Variants in PCDHGA5 observed in about 807,000 individuals in gnomAD.
PCDHGA5 encodes protocadherin gamma subfamily A, 5, also known as protocadherin gamma-A5.
A neutral mutation model predicts 56.7 loss-of-function variants in PCDHGA5; 36 were observed. That is an observed-to-expected ratio of 0.64 (90% confidence interval 0.49 to 0.84). The LOEUF is 0.84. PCDHGA5 is among the 40% of genes least tolerant of loss of function. PCDHGA5 has a pLI of 0.00. For synonymous variants in PCDHGA5, 563 were observed against 520.2 expected, an observed-to-expected ratio of 1.08 and a Z score of -1.12; for missense variants, 1,305 against 1,201.5, an observed-to-expected ratio of 1.09 and a Z score of -1.27.
chr5:141,421,254 C>T, intron 1 of PCDHGA5: 1 of 1,607,460 alleles, frequency 6.2e-7, no homozygotes, highest in East Asian at 2.2e-5. Flanking sequence ...AGCGCGGGGA[C>T]CGCAGTCGGC....
At chr5:141,433,854 A>T (rs2097660850) in intron 1 of PCDHGA5, among the ~76,000 whole-genome samples, 1 of 151,852 alleles carries the variant, frequency 6.6e-6, no homozygotes, top group African/African-American at 2.4e-5. Context: ...AAAAAAAAAA[A>T]ACTTTATCCT....
rs950164698 is a variant in PCDHGA5, at chr5:141,423,459, G to A, written c.2421+56708G>A. ...TGCCCACGTCACATTTTGTAGGCGT[G>A]GACGGGGTACAGGCTTTCCTGCAAA... On this transcript the variant is annotated intron_variant, in intron 1 of 3. Coordinates refer to ENST00000518069, the MANE Select transcript of PCDHGA5 (RefSeq NM_018918.3). 4.3e-6 allele frequency: 7 copies of A among 1,614,006 alleles called. No individual in the cohort carries two copies. In the South Asian group the frequency reaches 6.6e-5, roughly 15 times the overall value.
chr5:141,446,222 G>C (rs74509878), intron 1 of PCDHGA5, among the ~76,000 whole-genome samples: 7,034 of 152,204 alleles, frequency 0.046, 244 homozygotes, highest in African/African-American at 0.093. Flanking sequence ...ATATTGTTGT[G>C]TTGCCTGGCA....
At chr5:141,427,450 C>A in intron 1 of PCDHGA5, 1 of 486,442 alleles carries the variant, frequency 2.1e-6, no homozygotes, top group Non-Finnish European at 4.0e-6. Context: ...GAAAGAGTTC[C>A]TTTTAGAATC....
chr5:141,394,228 T>C lies in PCDHGA5; in HGVS notation c.2421+27477T>C, dbSNP rs1236057008. On this transcript the variant is annotated intron_variant, in intron 1 of 3. Transcript: ENST00000518069. ...AACAACCTGAGAGGAGCCTCCATCT[T>C]TTCCTTGACTGCACACGACCCCGAC... is the stretch of plus-strand genomic sequence containing the variant. 3.7e-6 allele frequency: 6 copies of C among 1,613,886 alleles called. No individual in the cohort carries two copies. The South Asian group carries it at 4.4e-5, about 12-fold the overall frequency.
chr5:141,400,027 GC>G (rs746080003), intron 1 of PCDHGA5: 8 of 1,612,664 alleles, frequency 5.0e-6, no homozygotes, highest in Admixed American at 1.7e-5. Flanking sequence ...CAGGGACGCG[GC>G]CCGCCAGCGC....
Position 141,477,286 on chromosome 5 carries a change from A to G in PCDHGA5, c.2422-17521A>G, listed in dbSNP as rs1367207950. 1.9e-6 allele frequency: 3 copies of G among 1,614,194 alleles called. No individual in the cohort carries two copies. Among genetic ancestry groups the G allele is most frequent in the Non-Finnish European group, 8.5e-7 (1 of 1,180,034 alleles). ...GCGAGAACGGGCTGGTGACCTGCGA[A>G]GTTCCACCGGGTCTCCCTTTCAGCC... On this transcript the variant is annotated intron_variant, in intron 1 of 3. Coordinates refer to ENST00000518069, the MANE Select transcript of PCDHGA5 (RefSeq NM_018918.3). The surrounding 1 kb of genome is among the most constrained non-coding windows in gnomAD (Gnocchi z 4.9).
chr5:141,370,217 G>A, intron 1 of PCDHGA5: 2 of 562,852 alleles, frequency 3.6e-6, no homozygotes, highest in East Asian at 5.9e-5. Context: ...GGCTCCTCCC[G>A]CTGCAGCCAG....
intron 1 of PCDHGA5, chr5:141,411,430 A>C (rs918915726): frequency 6.6e-6 from 1 of 151,188 alleles, no homozygotes; most frequent in Admixed American, 6.6e-5. Context: ...CAACAAAAAA[A>C]AACATTAGCA....
At position 141,364,840 on chromosome 5, in the gene PCDHGA5, C is replaced by G; in HGVS notation, c.510C>G (p.Tyr170Ter). The change falls in exon 1 of 4, where the codon TAC becomes TAG. Residue 170 changes from tyrosine (Y) to a stop codon, truncating the protein, a stop_gained. Transcript: ENST00000518069. LOFTEE classifies it high-confidence loss of function. ...TGGGTGTGAACTCTCTCCGGAGTTA[C>G]CAGCTCAGCTCCAATCTGCACTTCT... ...ADVGVNSLRS[Y>*]QLSSNLHFSL... is the part of the protein sequence containing the mutation. 2 of 1,614,010 alleles carry G rather than the reference C, an allele frequency of 1.2e-6. No individual in the cohort carries two copies. The highest frequency in any genetic ancestry group is 1.7e-6 in the Non-Finnish European group (2 of 1,179,884).
chr5:141,438,308 C>G (rs2097949954), intron 1 of PCDHGA5, among the ~76,000 whole-genome samples: 1 of 151,766 alleles, frequency 6.6e-6, no homozygotes, highest in Non-Finnish European at 1.5e-5. Context: ...GAAGTTGGTA[C>G]CACCATAATT....
intron 2 of PCDHGA5, among the ~76,000 whole-genome samples, chr5:141,503,940 C>G (rs890249753): frequency 6.6e-6 from 1 of 152,218 alleles, no homozygotes; most frequent in Non-Finnish European, 1.5e-5. Flanking sequence ...TTCATGCCTT[C>G]AAGGCCTACC....
intron 1 of PCDHGA5, chr5:141,390,281 G>A (rs995951705): frequency 1.9e-6 from 3 of 1,613,968 alleles, no homozygotes; most frequent in Middle Eastern, 1.6e-4. Context: ...CTTCCCATCA[G>A]GTGAGTTTCC....
chr5:141,490,896 G>C lies in PCDHGA5; in HGVS notation c.2422-3911G>C. The stretch of plus-strand genomic sequence containing the variant: ...TGCATGCCAACACATCTCTGCATGT[G>C]TTTGTCCTAGACGAGAATGATAATG... On this transcript the variant is annotated intron_variant, in intron 1 of 3. Coordinates refer to ENST00000518069, the MANE Select transcript of PCDHGA5 (RefSeq NM_018918.3). This position sits in a 1 kb window ranked among gnomAD's most constrained non-coding sequence, Gnocchi z 5.4. 2.5e-6 allele frequency: 4 copies of C among 1,613,938 alleles called. No homozygotes were observed. The highest frequency in any genetic ancestry group is 3.4e-6 in the Non-Finnish European group (4 of 1,179,922).
chr5:141,367,411 C>G (rs1046748433), intron 1 of PCDHGA5: 8 of 152,236 alleles, frequency 5.3e-5, no homozygotes, highest in Admixed American at 3.9e-4. Context: ...GTGGCAGGCG[C>G]CTGTAGTCCC....
chr5:141,424,497 A>G (rs2096824503), intron 1 of PCDHGA5: 2 of 152,174 alleles, frequency 1.3e-5, no homozygotes, highest in African/African-American at 2.4e-5. Flanking sequence ...GTTTGTATGT[A>G]TGGAAGGTTT....
Position 141,364,780 on chromosome 5 carries a change from A to C in PCDHGA5, c.450A>C (p.Thr150=), listed in dbSNP as rs1217288326. Reference sequence around the variant, plus strand: ...TTAATGAAAATGCGGCTGCAGGGACACGGTTAGTGCTTCCCTTCGCGCGGG... The same window carrying C: ...TTAATGAAAATGCGGCTGCAGGGACCCGGTTAGTGCTTCCCTTCGCGCGGG... ...VKVNENAAAG[T]RLVLPFARDA... is the part of the protein sequence containing the mutation. The change falls in exon 1 of 4, where the codon ACA becomes ACC. Residue 150 remains threonine, a synonymous_variant. Transcript: ENST00000518069. The C allele has an allele frequency of 6.2e-7, 1 of 1,614,006 alleles. No individual in the cohort carries two copies. Among genetic ancestry groups the C allele is most frequent in the Non-Finnish European group, 8.5e-7 (1 of 1,179,896 alleles).
At chr5:141,436,473 C>CA (rs2097825744) in intron 1 of PCDHGA5, among the ~76,000 whole-genome samples, 1 of 152,112 alleles carries the variant, frequency 6.6e-6, no homozygotes, top group Non-Finnish European at 1.5e-5. Context: ...TCAGATGTAT[C>CA]ATAGAAGGAT....
chr5:141,408,533 G>A, intron 1 of PCDHGA5: 1 of 1,614,056 alleles, frequency 6.2e-7, no homozygotes, highest in Non-Finnish European at 8.5e-7. Flanking sequence ...AGCTGTGGTG[G>A]AAAATCCTTT....
Sources: gnomAD v4.1 joint callset for allele counts (sites outside exome capture counted in the v4.1 genomes callset) on GRCh38, gnomAD v4.1.1 for gene constraint, Gnocchi (gnomAD v3.1) non-coding constraint, MANE v1.5 for transcripts, NCBI Gene and HGNC (gene_info 2026-07-23, HGNC 2026-07-21) for gene names.